Variants in LRMDA observed in about 807,000 individuals in gnomAD.
The protein encoded by LRMDA is leucine-rich melanocyte differentiation-associated protein.
Under a neutral mutation model 29.8 loss-of-function variants are expected in LRMDA, and 18 were observed. That is an observed-to-expected ratio of 0.60 (90% CI 0.42 to 0.90). The LOEUF is 0.90. Among genes scored for constraint, LRMDA ranks in the 40% least tolerant of loss-of-function variants. LRMDA has a pLI of 0.00. For missense variants in LRMDA, 273 were observed against 273.9 expected, an observed-to-expected ratio of 1.00 and a Z score of 0.02; for synonymous variants, 125 against 109.4, an observed-to-expected ratio of 1.14 and a Z score of -0.89.
chr10:76,006,109 A>G (rs1343606423), intron 2 of LRMDA, among the ~76,000 whole-genome samples: 1 of 151,630 alleles, frequency 6.6e-6, no homozygotes, highest in African/African-American at 2.4e-5. Context: ...TTGATGGGGC[A>G]GAGGCCTCAG....
chr10:76,455,801 TCCTA>T (rs1326689339), intron 6 of LRMDA, among the ~76,000 whole-genome samples: 2 of 152,124 alleles, frequency 1.3e-5, no homozygotes, highest in East Asian at 3.9e-4. Context: ...TCTGGGACCA[TCCTA>T]CTTAGTTATG....
chr10:76,423,893 G>A (rs546989974), intron 6 of LRMDA, among the ~76,000 whole-genome samples: 1 of 152,270 alleles, frequency 6.6e-6, no homozygotes, highest in South Asian at 2.1e-4. Flanking sequence ...GAGGGGAGGT[G>A]TCCATGGTTA....
chr10:76,026,823 C>T (rs1898072), intron 2 of LRMDA, among the ~76,000 whole-genome samples: 16,958 of 152,122 alleles, frequency 0.11, 1,510 homozygotes, highest in East Asian at 0.24. Context: ...ATATTAGAAG[C>T]CATCGAATCT....
chr10:76,477,905 G>T (rs1487698791), intron 6 of LRMDA, among the ~76,000 whole-genome samples: 1 of 152,130 alleles, frequency 6.6e-6, no homozygotes, highest in African/African-American at 2.4e-5. Context: ...ATTAAATCAA[G>T]ATGGATTAAA....
intron 2 of LRMDA, among the ~76,000 whole-genome samples, chr10:75,527,063 TA>T (rs1019944044): frequency 1.8e-4 from 28 of 152,178 alleles, no homozygotes; most frequent in African/African-American, 6.5e-4. Flanking sequence ...TGGCAACCAC[TA>T]ATCTGCTTTC....
chr10:76,321,783 A>G (rs2579780), intron 5 of LRMDA, among the ~76,000 whole-genome samples: 52,452 of 151,914 alleles, frequency 0.35, 10,310 homozygotes, highest in Non-Finnish European at 0.46. Context: ...CATCTCTACT[A>G]AAAATGCAAA....
At chr10:76,271,078 A>C (rs1840062925) in intron 5 of LRMDA, among the ~76,000 whole-genome samples, 1 of 152,128 alleles carries the variant, frequency 6.6e-6, no homozygotes, top group Non-Finnish European at 1.5e-5. Flanking sequence ...ATCTATAGTG[A>C]CCTCTTGAAC....
At chr10:75,486,609 T>G (rs1197451645) in intron 2 of LRMDA, among the ~76,000 whole-genome samples, 1 of 151,798 alleles carries the variant, frequency 6.6e-6, no homozygotes, top group East Asian at 1.9e-4. Context: ...AAGTAGATGT[T>G]AGGAGCTAGA....
chr10:75,580,302 G>A (rs1277608527), intron 2 of LRMDA, among the ~76,000 whole-genome samples: 1 of 152,148 alleles, frequency 6.6e-6, no homozygotes, highest in Non-Finnish European at 1.5e-5. Context: ...GCCAAATCAT[G>A]AGTGAACTCC....
At chr10:75,542,377 T>G (rs1453079842) in intron 2 of LRMDA, among the ~76,000 whole-genome samples, 2 of 152,142 alleles carry the variant, frequency 1.3e-5, no homozygotes, top group East Asian at 3.9e-4. Context: ...TGTTTGCACT[T>G]TCACAGAGTT....
chr10:75,672,990 A>G (rs1318981773), intron 2 of LRMDA, among the ~76,000 whole-genome samples: 1 of 150,764 alleles, frequency 6.6e-6, no homozygotes, highest in Non-Finnish European at 1.5e-5. Context: ...TCTAAAGACT[A>G]TAATTCCTTT....
At chr10:76,151,948 A>C (rs964953598) in intron 5 of LRMDA, among the ~76,000 whole-genome samples, 1 of 152,220 alleles carries the variant, frequency 6.6e-6, no homozygotes, top group Non-Finnish European at 1.5e-5. Context: ...ATATCCCAAA[A>C]GTTTTCTTAA....
At chr10:76,254,746 C>CT (rs1213286831) in intron 5 of LRMDA, among the ~76,000 whole-genome samples, 1 of 152,122 alleles carries the variant, frequency 6.6e-6, no homozygotes, top group Non-Finnish European at 1.5e-5. Context: ...AAATACCTTT[C>CT]TTTTCAGCAA....
rs558436452 is a variant in LRMDA at position 76,559,077 on chromosome 10, C to T, written c.*1789C>T. 6.6e-6 allele frequency: 1 copy of T among 152,302 alleles called. No individual in the cohort carries two copies. The highest frequency in any genetic ancestry group is 2.1e-4 in the South Asian group (1 of 4,822). 9.4% of individuals were successfully genotyped at this position (152,302 alleles called of 1,614,324 possible). ...AGAAGCATCAACACATGTTTTCTCCCTGGCATAATATGGGCAGCCAGAATT... is the reference window on the plus strand; with the variant it reads ...AGAAGCATCAACACATGTTTTCTCCTTGGCATAATATGGGCAGCCAGAATT... On this transcript the variant is annotated 3_prime_UTR_variant, in exon 7 of 7. Transcript: ENST00000611255.
rs1021559761 is a variant in LRMDA, at chr10:76,354,284, C to T, written c.601+29799C>T. 7.9e-5 allele frequency among the ~76,000 whole-genome samples: 12 copies of T among 152,270 alleles called. No individual in the cohort carries two copies. The South Asian group carries it at 1.7e-3, about 21-fold the overall frequency. ...AAAGGAGGACATTGTGATATGGAGG[C>T]TGAACAGGGTGCTGCCAAGTGTTAG... On this transcript the variant is annotated intron_variant, in intron 6 of 6. Transcript: ENST00000611255.
intron 2 of LRMDA, among the ~76,000 whole-genome samples, chr10:75,567,357 C>T (rs116251166): frequency 0.014 from 2,105 of 152,284 alleles, 40 homozygotes; most frequent in African/African-American, 0.045. Flanking sequence ...CTTTCTGTGG[C>T]ATCCCCCTAC....
intron 6 of LRMDA, among the ~76,000 whole-genome samples, chr10:76,509,945 G>A (rs1335810556): frequency 1.3e-5 from 2 of 152,322 alleles, no homozygotes; most frequent in South Asian, 4.1e-4. Flanking sequence ...ACAGCTCAAA[G>A]CTGAGGTTTA....
intron 5 of LRMDA, among the ~76,000 whole-genome samples, chr10:76,192,036 T>A (rs12253308): frequency 0.046 from 7,052 of 152,170 alleles, 520 homozygotes; most frequent in African/African-American, 0.16. Context: ...AAAACATCTA[T>A]GGAGTAGGGT....
chr10:75,891,095 A>T (rs142312204), intron 2 of LRMDA, among the ~76,000 whole-genome samples: 2 of 133,078 alleles, frequency 1.5e-5, no homozygotes, highest in African/African-American at 5.9e-5. Flanking sequence ...ACAGAGCTAG[A>T]CTCAGTCTCA....
Sources: allele counts gnomAD v4.1 joint callset (sites outside exome capture counted in the v4.1 genomes callset), GRCh38; gene constraint gnomAD v4.1.1; transcripts MANE v1.5; gene names NCBI Gene and HGNC (gene_info 2026-07-23, HGNC 2026-07-21).